Variants in RBFOX1 observed in about 807,000 individuals in gnomAD.
The protein encoded by RBFOX1 is RNA binding fox-1 homolog 1, also known as RNA binding protein fox-1 homolog 1.
In RBFOX1, 8 loss-of-function variants were observed where a neutral mutation model predicts 57.7. That is an observed-to-expected ratio of 0.14 (90% CI 0.08 to 0.25). The LOEUF is 0.25. RBFOX1 is among the 10% of genes least tolerant of loss of function. The pLI, the probability that RBFOX1 is intolerant of heterozygous loss-of-function variation, is 1.00. For missense variants in RBFOX1, 611 were observed against 548.5 expected (o/e 1.11, Z -1.14); for synonymous variants, 326 against 222.4 (o/e 1.47, Z -4.15).
Position 6,404,905 on chromosome 16 carries a change from A to G in RBFOX1, c.-64+87848A>G, listed in dbSNP as rs558804345. Among the ~76,000 whole-genome samples the G allele has an allele frequency of 6.6e-5, 10 of 152,314 alleles. No homozygotes were observed. The South Asian group carries it at 1.9e-3, about 28-fold the overall frequency. On this transcript the variant is annotated intron_variant, in intron 2 of 15. Coordinates refer to ENST00000550418, the MANE Select transcript of RBFOX1 (RefSeq NM_018723.4). The stretch of plus-strand genomic sequence containing the variant: ...CGATATGGAAGGAAGAAGCCTGGCT[A>G]TCCTAGCTTGAATGGAATTCAGCAT...
chr16:6,365,688 C>T (rs2089477321), intron 2 of RBFOX1, among the ~76,000 whole-genome samples: 2 of 152,152 alleles, frequency 1.3e-5, no homozygotes, highest in African/African-American at 4.8e-5. Flanking sequence ...GTGGAAAGAA[C>T]ACAGGATTTG....
rs115946037 is a variant in RBFOX1 at position 6,130,036 on chromosome 16, C to G, written c.-127+110044C>G. Among the ~76,000 whole-genome samples the G allele has an allele frequency of 7.1e-3, 1,077 of 152,012 alleles. 13 individuals are homozygous for G. Among genetic ancestry groups the G allele is most frequent in the African/African-American group, 0.024 (1,011 of 41,486 alleles). ...GCACAAGAAATGCAAGGGACATGAT[C>G]AAATATGAAAGGAAATGAGAGCAGA... On this transcript the variant is annotated intron_variant, in intron 1 of 15. Coordinates refer to ENST00000550418, the MANE Select transcript of RBFOX1 (RefSeq NM_018723.4).
chr16:5,556,810 G>A (rs1290414298), intron 2 of RBFOX1, among the ~76,000 whole-genome samples: 1 of 152,192 alleles, frequency 6.6e-6, no homozygotes, highest in Non-Finnish European at 1.5e-5. Flanking sequence ...ATAAGTTTGA[G>A]GCCACAGTAT....
At chr16:6,510,489 G>T (rs1209060375) in intron 2 of RBFOX1, among the ~76,000 whole-genome samples, 1 of 152,144 alleles carries the variant, frequency 6.6e-6, no homozygotes, top group Non-Finnish European at 1.5e-5. Context: ...ACCAGGTGAG[G>T]GACAGCAGGC....
rs115757620 is a variant in RBFOX1 at position 6,545,126 on chromosome 16, C to T, written c.-63-109477C>T. Among the ~76,000 whole-genome samples, 562 of 152,254 alleles carry T rather than the reference C, an allele frequency of 3.7e-3. 3 individuals carry two copies. Among genetic ancestry groups the T allele is most frequent in the African/African-American group, 0.011 (474 of 41,546 alleles). On this transcript the variant is annotated intron_variant, in intron 2 of 15. Transcript: ENST00000550418. ...CCTCCAAATGATATCTAAAAATCCGCGTACTTTTTCCCTAGCGCCATTTTT... is the reference window on the plus strand; with the variant it reads ...CCTCCAAATGATATCTAAAAATCCGTGTACTTTTTCCCTAGCGCCATTTTT...
chr16:6,780,488 TTATATACATTTTTATATATTTA>T (rs1567218028), intron 3 of RBFOX1, among the ~76,000 whole-genome samples: 14 of 91,352 alleles, frequency 1.5e-4, no homozygotes, highest in African/African-American at 4.9e-4. Context: ...TTATATATAT[TTATATACATTTTTATATATTTA>T]TATATACATT....
intron 1 of RBFOX1, among the ~76,000 whole-genome samples, chr16:5,392,679 C>G (rs1162719653): frequency 6.6e-6 from 1 of 151,950 alleles, no homozygotes; most frequent in African/African-American, 2.4e-5. Flanking sequence ...TTTGAAGCTT[C>G]TTCAAACCTA....
At chr16:7,277,836 C>T (rs375874365) in intron 4 of RBFOX1, among the ~76,000 whole-genome samples, 3 of 151,806 alleles carry the variant, frequency 2.0e-5, no homozygotes, top group Non-Finnish European at 2.9e-5. Flanking sequence ...AGAATTCCCA[C>T]GTCAGTGTTT....
At position 7,197,159 on chromosome 16, in the gene RBFOX1, C is replaced by T. The variant is rs564178074; in HGVS notation, c.27+145061C>T. Among the ~76,000 whole-genome samples the T allele has an allele frequency of 7.2e-5, 11 of 152,280 alleles. No homozygotes were observed. The South Asian group carries it at 2.3e-3, about 32-fold the overall frequency. On this transcript the variant is annotated intron_variant, in intron 4 of 15. Transcript: ENST00000550418. ...AATCTGTCCTTCATTCTAGCGTTCTCTGGTTTCTCCAGGCTGTTGAAACTA... is the reference window on the plus strand; with the variant it reads ...AATCTGTCCTTCATTCTAGCGTTCTTTGGTTTCTCCAGGCTGTTGAAACTA...
intron 2 of RBFOX1, among the ~76,000 whole-genome samples, chr16:6,500,357 TACAC>T (rs915899983): frequency 1.5e-4 from 23 of 151,750 alleles, no homozygotes; most frequent in Non-Finnish European, 2.2e-4. Context: ...CGTGTGCACA[TACAC>T]ACACACACAC....
chr16:6,825,688 A>G (rs2092030205), intron 3 of RBFOX1, among the ~76,000 whole-genome samples: 1 of 152,134 alleles, frequency 6.6e-6, no homozygotes, highest in Non-Finnish European at 1.5e-5. Flanking sequence ...TAACACAAGG[A>G]AAGAACCTAG....
chr16:5,931,921 C>T (rs1463543554), intron 4 of RBFOX1, among the ~76,000 whole-genome samples: 2 of 152,198 alleles, frequency 1.3e-5, no homozygotes, highest in African/African-American at 2.4e-5. Flanking sequence ...ATTCCACCCA[C>T]TTCAGCCTCC....
chr16:6,472,615 C>A (rs766038740), intron 2 of RBFOX1, among the ~76,000 whole-genome samples: 4 of 151,046 alleles, frequency 2.6e-5, no homozygotes, highest in African/African-American at 9.7e-5. Context: ...CAGCTTCTTT[C>A]TTTTTTCTTT....
intron 4 of RBFOX1, among the ~76,000 whole-genome samples, chr16:5,901,775 A>G (rs949404363): frequency 9.2e-5 from 14 of 152,336 alleles, no homozygotes; most frequent in African/African-American, 3.4e-4. Context: ...CATTACCCAA[A>G]TTGAGCTTTT....
intron 3 of RBFOX1, among the ~76,000 whole-genome samples, chr16:6,797,933 C>T (rs2084465616): frequency 6.6e-6 from 1 of 151,856 alleles, no homozygotes; most frequent in Admixed American, 6.6e-5. Context: ...ATTTTCTTGT[C>T]TTTGAAATGG....
At position 7,518,201 on chromosome 16, in the gene RBFOX1, G is replaced by T; in HGVS notation, c.82G>T (p.Ala28Ser). 1.2e-6 allele frequency: 2 copies of T among 1,613,948 alleles called. No homozygotes were observed. The highest frequency in any genetic ancestry group is 1.7e-6 in the Non-Finnish European group (2 of 1,179,926). Residue 28 changes from alanine to serine, a missense_variant, in exon 5 of 16, where the codon GCC (alanine) becomes TCC (serine). By Grantham distance (99) the Ala-to-Ser change is moderately conservative. This residue lies in a region of RBFOX1 where 245 missense variants were observed against 159.1 expected (regional missense o/e 1.54). Transcript: ENST00000550418. ...CACAATGGCTCAGCCTTACGCTTCGGCCCAGTTTGCTCCCCCGCAGAACGG... is the reference window on the plus strand; with the variant it reads ...CACAATGGCTCAGCCTTACGCTTCGTCCCAGTTTGCTCCCCCGCAGAACGG... ...PDTMAQPYAS[A>S]QFAPPQNGIP...
intron 1 of RBFOX1, among the ~76,000 whole-genome samples, chr16:5,309,292 T>C (rs1403542132): frequency 6.6e-6 from 1 of 152,198 alleles, no homozygotes; most frequent in Non-Finnish European, 1.5e-5. Flanking sequence ...TTGCTATCTC[T>C]CTTTCTCTCT....
chr16:5,280,522 C>G (rs545450223), intron 1 of RBFOX1, among the ~76,000 whole-genome samples: 102 of 152,256 alleles, frequency 6.7e-4, no homozygotes, highest in Non-Finnish European at 1.2e-3. Flanking sequence ...GTTTGTTTTT[C>G]TTTATAAATT....
At chr16:6,520,776 A>G (rs2096483535) in intron 2 of RBFOX1, among the ~76,000 whole-genome samples, 1 of 152,172 alleles carries the variant, frequency 6.6e-6, no homozygotes, top group African/African-American at 2.4e-5. Flanking sequence ...ATTTGGTTAT[A>G]CCAAGCCATC....
Sources: gnomAD v4.1 joint callset for allele counts (sites outside exome capture counted in the v4.1 genomes callset) on GRCh38, gnomAD v4.1.1 for gene constraint, gnomAD v4.1.1 regional missense constraint, MANE v1.5 for transcripts, NCBI Gene and HGNC (gene_info 2026-07-23, HGNC 2026-07-21) for gene names.